The following PIP4K2A variants were observed in gnomAD, a reference collection of about 807,000 sequenced individuals.
PIP4K2A encodes the protein phosphatidylinositol-5-phosphate 4-kinase type 2 alpha.
PIP4K2A carries 14 observed loss-of-function variants against 42.9 expected under a neutral mutation model. The observed-to-expected ratio is 0.33, with a 90% CI of 0.22 to 0.51. The LOEUF (loss-of-function observed/expected upper bound fraction) is 0.51. Among genes scored for constraint, PIP4K2A ranks in the 20% least tolerant of loss-of-function variants. The probability of loss-of-function intolerance (pLI) is 0.97; values close to 1 mark genes in which losing one functional copy is unlikely to be tolerated. For missense variants in PIP4K2A, 434 were observed against 519.8 expected, an observed-to-expected ratio of 0.83 and a Z score of 1.61; for synonymous variants, 192 against 192.2, an observed-to-expected ratio of 1.00 and a Z score of 0.01.
chr10:22,597,607 C>T (rs1351788338), intron 3 of PIP4K2A, among the ~76,000 whole-genome samples: 1 of 151,608 alleles, frequency 6.6e-6, no homozygotes, highest in African/African-American at 2.4e-5. Context: ...TTCTGGGTTA[C>T]TCTATATTCT....
chr10:22,651,765 C>T (rs1839001383), intron 1 of PIP4K2A, among the ~76,000 whole-genome samples: 1 of 152,232 alleles, frequency 6.6e-6, no homozygotes, highest in Non-Finnish European at 1.5e-5. Context: ...GCCCGGGAGG[C>T]AGCTCAGTGG....
At chr10:22,699,181 A>G (rs1221036076) in intron 1 of PIP4K2A, among the ~76,000 whole-genome samples, 1 of 152,216 alleles carries the variant, frequency 6.6e-6, no homozygotes, top group Non-Finnish European at 1.5e-5. Context: ...AATTTCAGAA[A>G]CAATATCTGT....
intron 1 of PIP4K2A, among the ~76,000 whole-genome samples, chr10:22,653,930 G>A (rs1839042510): frequency 6.6e-6 from 1 of 152,184 alleles, no homozygotes; most frequent in Non-Finnish European, 1.5e-5. Flanking sequence ...TCTGTATTCT[G>A]AAGAACTGGC....
At chr10:22,604,699 G>A (rs1260772779) in intron 3 of PIP4K2A, among the ~76,000 whole-genome samples, 1 of 152,154 alleles carries the variant, frequency 6.6e-6, no homozygotes, top group Non-Finnish European at 1.5e-5. Context: ...GCAGTCTTCA[G>A]CAGCCAGTAC....
At chr10:22,634,510 A>T (rs1390427530) in intron 1 of PIP4K2A, among the ~76,000 whole-genome samples, 2 of 152,188 alleles carry the variant, frequency 1.3e-5, no homozygotes, top group Non-Finnish European at 2.9e-5. Context: ...TGTTACTGTT[A>T]ACCTGTTTGG....
chr10:22,704,144 T>G (rs1016904079), intron 1 of PIP4K2A, among the ~76,000 whole-genome samples: 1 of 152,094 alleles, frequency 6.6e-6, no homozygotes, highest in African/African-American at 2.4e-5. Flanking sequence ...TAAAAAGCCA[T>G]GAGACTAAAT....
chr10:22,682,131 T>C (rs79659340), intron 1 of PIP4K2A, among the ~76,000 whole-genome samples: 18,498 of 152,044 alleles, frequency 0.12, 1,249 homozygotes, highest in Middle Eastern at 0.22. Flanking sequence ...ATAAAAATGC[T>C]CAAAGAGGAG....
intron 1 of PIP4K2A, among the ~76,000 whole-genome samples, chr10:22,633,540 C>A (rs763012214): frequency 6.6e-6 from 1 of 152,064 alleles, no homozygotes; most frequent in Non-Finnish European, 1.5e-5. Context: ...TCAGGATAGG[C>A]TGGAACTTTG....
chr10:22,573,481 GA>G (rs762464468), intron 4 of PIP4K2A, 24 bp from the exon 5 acceptor site: 1 of 1,585,536 alleles, frequency 6.3e-7, no homozygotes, highest in Non-Finnish European at 8.6e-7. Context: ...AAAGAAAAAG[GA>G]AAAAAACATC....
chr10:22,610,784 G>A (rs1399583885), intron 1 of PIP4K2A, among the ~76,000 whole-genome samples: 3 of 152,152 alleles, frequency 2.0e-5, no homozygotes, highest in Admixed American at 1.3e-4. Flanking sequence ...AGGCTTCAAC[G>A]TTAACCTGAG....
intron 4 of PIP4K2A, among the ~76,000 whole-genome samples, chr10:22,575,667 C>T (rs1334689695): frequency 1.3e-5 from 2 of 152,070 alleles, no homozygotes; most frequent in African/African-American, 2.4e-5. Context: ...TTGCCAGGCG[C>T]GGTGGCTCAC....
chr10:22,638,084 AATTT>A (rs1838706481), intron 1 of PIP4K2A, among the ~76,000 whole-genome samples: 1 of 152,188 alleles, frequency 6.6e-6, no homozygotes, highest in African/African-American at 2.4e-5. Flanking sequence ...AACACAGTGG[AATTT>A]GCACTAATGA....
chr10:22,660,758 CAATA>C (rs1160620401), intron 1 of PIP4K2A, among the ~76,000 whole-genome samples: 2 of 151,278 alleles, frequency 1.3e-5, no homozygotes, highest in Non-Finnish European at 2.9e-5. Context: ...TCTATGACAT[CAATA>C]AATAATCAAT....
intron 9 of PIP4K2A, among the ~76,000 whole-genome samples, chr10:22,538,569 C>G (rs9783120): frequency 6.6e-6 from 1 of 152,174 alleles, no homozygotes. Context: ...AAGGGTCAAA[C>G]GAGGATTCCT....
At chr10:22,612,974 G>A (rs1335025868) in intron 1 of PIP4K2A, among the ~76,000 whole-genome samples, 1 of 152,168 alleles carries the variant, frequency 6.6e-6, no homozygotes, top group East Asian at 1.9e-4. Flanking sequence ...GGGGAGGAAG[G>A]CGGAGAAGCA....
At chr10:22,675,767 C>T (rs1256330312) in intron 1 of PIP4K2A, among the ~76,000 whole-genome samples, 4 of 152,190 alleles carry the variant, frequency 2.6e-5, no homozygotes, top group Non-Finnish European at 5.9e-5. Context: ...ATCCACTCTA[C>T]ATAATGCTCA....
Position 22,609,648 on chromosome 10 carries a change from T to C in PIP4K2A, c.214A>G (p.Ile72Val), listed in dbSNP as rs1837986994. 6 of 1,606,188 alleles carry C rather than the reference T, an allele frequency of 3.7e-6. No homozygotes were observed. In the East Asian group the frequency reaches 1.1e-4, roughly 30 times the overall value. ...TTAAAAAGGTGATTGTCCACCTTTA[T>C]TTTTGAATAGGCTTTGAAGTCATCT... ...MPDDFKAYSK[I>V]KVDNHLFNKE... Residue 72 changes from isoleucine to valine, a missense_variant, in exon 2 of 10, where the codon ATA (isoleucine) becomes GTA (valine). Physicochemically the swap from Ile to Val is conservative, Grantham distance 29. This residue lies in a region of PIP4K2A where 395 missense variants were observed against 444.5 expected (regional missense o/e 0.89). Transcript: ENST00000376573.
At chr10:22,570,793 A>G (rs1836965634) in intron 5 of PIP4K2A, among the ~76,000 whole-genome samples, 2 of 152,190 alleles carry the variant, frequency 1.3e-5, no homozygotes, top group South Asian at 4.1e-4. Flanking sequence ...GCAGTTTAGC[A>G]TAAGTCAAAC....
In PIP4K2A at chr10:22,672,972, G is replaced by A. The variant is rs983981342; in HGVS notation, c.144+41211C>T. Among the ~76,000 whole-genome samples the A allele has an allele frequency of 4.6e-5, 7 of 152,180 alleles. No homozygotes were observed. In the East Asian group the frequency reaches 7.7e-4, roughly 17 times the overall value. On this transcript the variant is annotated intron_variant, in intron 1 of 9. Coordinates refer to ENST00000376573, the MANE Select transcript of PIP4K2A (RefSeq NM_005028.5). ...GAGCTTCACTTCTAGGTAAGGAAAC[G>A]GAGATCCAGTGATCTCTCTCATTCC... is the stretch of plus-strand genomic sequence containing the variant.
Sources: gnomAD v4.1 joint callset for allele counts (sites outside exome capture counted in the v4.1 genomes callset) on GRCh38, gnomAD v4.1.1 for gene constraint, gnomAD v4.1.1 regional missense constraint, MANE v1.5 for transcripts, NCBI Gene and HGNC (gene_info 2026-07-23, HGNC 2026-07-21) for gene names.